ACMSD: variants seen among roughly 807,000 people sequenced by gnomAD.
The protein encoded by ACMSD is aminocarboxymuconate semialdehyde decarboxylase.
ACMSD carries 37 observed loss-of-function variants against 45.9 expected under a neutral mutation model. The observed-to-expected ratio is 0.81, with a 90% CI of 0.62 to 1.06. ACMSD has a LOEUF of 1.06. ACMSD is among the 50% of genes least tolerant of loss of function. ACMSD has a pLI of 0.00. For synonymous variants in ACMSD, 138 were observed against 148.8 expected, an observed-to-expected ratio of 0.93 and a Z score of 0.53; for missense variants, 434 against 420.9, an observed-to-expected ratio of 1.03 and a Z score of -0.27.
rs779781894 is a variant in ACMSD at position 134,855,025 on chromosome 2, AGTTT to A, written c.103-4231_103-4228del. Among the ~76,000 whole-genome samples the A allele has an allele frequency of 1.0e-4, 14 of 138,570 alleles. 1 individual carries two copies. The highest frequency in any genetic ancestry group is 1.5e-4 in the Non-Finnish European group (10 of 65,112). 90.9% of individuals were successfully genotyped at this position (138,570 alleles called of 152,430 possible). ...TAAATCCTCCAATTTGCCAAATCAA[AGTTT>A]GTTTCTCAACTTTTTTTTTTCACCA... On this transcript the variant is annotated intron_variant, in intron 2 of 9. Transcript: ENST00000356140.
chr2:134,840,435 C>T (rs1686753342), intron 1 of ACMSD, among the ~76,000 whole-genome samples: 1 of 152,022 alleles, frequency 6.6e-6, no homozygotes, highest in African/African-American at 2.4e-5. Context: ...GTGTATGTCC[C>T]CCCCAAAATT....
intron 5 of ACMSD, 42 bp from the exon 6 acceptor site, chr2:134,867,537 A>G (rs375120563): frequency 6.5e-7 from 1 of 1,532,308 alleles, no homozygotes; most frequent in African/African-American, 1.4e-5. Context: ...CTGCTCACTC[A>G]TCAAAGTAAC....
chr2:134,901,818 T>C lies in ACMSD; in HGVS notation c.969T>C (p.Asn323=). Residue 323 remains asparagine (N), a synonymous_variant, in exon 10 of 10, where the codon AAT becomes AAC. Transcript: ENST00000356140. ...EETKNKLKAG[N]ALAFLGLERK... ...TTCAGAATAAACTCAAAGCCGGCAATGCCCTGGCATTTTTGGGTCTTGAGA... is the reference window on the plus strand; with the variant it reads ...TTCAGAATAAACTCAAAGCCGGCAACGCCCTGGCATTTTTGGGTCTTGAGA... 2 of 1,599,524 alleles carry C rather than the reference T, an allele frequency of 1.3e-6. No homozygotes were observed. The highest frequency in any genetic ancestry group is 1.7e-6 in the Non-Finnish European group (2 of 1,170,380).
At chr2:134,859,091 G>A (rs1421769165) in intron 2 of ACMSD, among the ~76,000 whole-genome samples, 170 bp from the exon 3 acceptor site, 1 of 151,148 alleles carries the variant, frequency 6.6e-6, no homozygotes, top group African/African-American at 2.4e-5. Flanking sequence ...CCAAAGAAAA[G>A]CATGAGGAAA....
At chr2:134,892,790 G>T (rs1442828696) in intron 8 of ACMSD, among the ~76,000 whole-genome samples, 1 of 152,180 alleles carries the variant, frequency 6.6e-6, no homozygotes, top group African/African-American at 2.4e-5. Flanking sequence ...GAGAGCAAAA[G>T]CAAGAATGAG....
At chr2:134,840,194 C>CAAAAAAAAAAAAA (rs1300580743) in intron 1 of ACMSD, among the ~76,000 whole-genome samples, 4 of 68,740 alleles carry the variant, frequency 5.8e-5, no homozygotes, top group South Asian at 1.2e-3. Flanking sequence ...AAAAAAAAAA[C>CAAAAAAAAAAAAA]CACTAATTCC....
At chr2:134,899,464 A>G (rs1423028221) in intron 9 of ACMSD, among the ~76,000 whole-genome samples, 2 of 152,138 alleles carry the variant, frequency 1.3e-5, no homozygotes, top group Non-Finnish European at 2.9e-5. Context: ...GGAAGCTGTC[A>G]TAAAGGCATT....
intron 9 of ACMSD, among the ~76,000 whole-genome samples, chr2:134,899,248 G>C (rs564342101): frequency 6.6e-5 from 10 of 152,164 alleles, no homozygotes; most frequent in African/African-American, 2.4e-4. Flanking sequence ...TAAAGATATT[G>C]TTCATCAAAT....
chr2:134,850,954 G>C (rs528503806), intron 2 of ACMSD, among the ~76,000 whole-genome samples: 31 of 152,152 alleles, frequency 2.0e-4, no homozygotes, highest in Non-Finnish European at 1.3e-4. Flanking sequence ...CTCCCTCCTG[G>C]CCCCCTCTGG....
chr2:134,885,231 CATATGTAAAT>C (rs1689260047), intron 8 of ACMSD, among the ~76,000 whole-genome samples: 2 of 116,994 alleles, frequency 1.7e-5, no homozygotes, highest in Non-Finnish European at 3.3e-5. Context: ...ATATATAATA[CATATGTAAAT>C]ATATATTTAT....
intron 8 of ACMSD, among the ~76,000 whole-genome samples, chr2:134,889,212 T>C (rs1472273650): frequency 3.3e-5 from 5 of 152,072 alleles, no homozygotes; most frequent in East Asian, 3.9e-4. Context: ...AGTGTTTGGA[T>C]TGGAAATGGA....
intron 8 of ACMSD, chr2:134,872,866 G>C: frequency 2.0e-6 from 1 of 503,074 alleles, no homozygotes; most frequent in Admixed American, 3.2e-5. Context: ...ATATATGCCA[G>C]AGAAATCCCA....
At chr2:134,890,483 G>A (rs1465509245) in intron 8 of ACMSD, among the ~76,000 whole-genome samples, 3 of 151,908 alleles carry the variant, frequency 2.0e-5, no homozygotes, top group East Asian at 1.9e-4. Context: ...TTAGATCTTC[G>A]ACTAAGAAAA....
At chr2:134,844,155 C>T (rs1369003972) in intron 1 of ACMSD, among the ~76,000 whole-genome samples, 2 of 152,248 alleles carry the variant, frequency 1.3e-5, no homozygotes, top group African/African-American at 4.8e-5. Flanking sequence ...TTGAGTCATA[C>T]TTACCTATGT....
At position 134,871,020 on chromosome 2, in the gene ACMSD, T is replaced by G; in HGVS notation, c.636T>G (p.Phe212Leu). Residue 212 changes from phenylalanine (F) to leucine (L), a missense_variant, in exon 7 of 10, where the codon TTT becomes TTG. Coordinates refer to ENST00000356140, the MANE Select transcript of ACMSD (RefSeq NM_138326.3). ...GCTCCATGATCATGGGTGGAGTATTTGAGAAGTTTCCCAAACTGAAAGTGT... is the reference window on the plus strand; with the variant it reads ...GCTCCATGATCATGGGTGGAGTATTGGAGAAGTTTCCCAAACTGAAAGTGT... ...AICSMIMGGV[F>L]EKFPKLKVCF... is the part of the protein sequence containing the mutation. The G allele has an allele frequency of 6.2e-7, 1 of 1,614,142 alleles. No homozygotes were observed. The highest frequency in any genetic ancestry group is 1.7e-5 in the Admixed American group (1 of 60,010).
chr2:134,852,958 T>A (rs1291912242), intron 2 of ACMSD, among the ~76,000 whole-genome samples: 1 of 151,472 alleles, frequency 6.6e-6, no homozygotes, highest in African/African-American at 2.4e-5. Flanking sequence ...AGGTCAGGAG[T>A]TTGAGACCAG....
chr2:134,839,124 G>A (rs555909123), intron 1 of ACMSD, among the ~76,000 whole-genome samples: 5 of 152,124 alleles, frequency 3.3e-5, no homozygotes, highest in South Asian at 2.1e-4. Flanking sequence ...GAATGTGATC[G>A]GTTTCAAGGA....
At chr2:134,894,152 CA>C (rs954648493) in intron 8 of ACMSD, among the ~76,000 whole-genome samples, 3 of 151,532 alleles carry the variant, frequency 2.0e-5, no homozygotes, top group African/African-American at 7.3e-5. Context: ...TATAGAAAAA[CA>C]ATAGGGAAAA....
chr2:134,847,395 T>TACAGATAGATAGATAG (rs376446160), intron 2 of ACMSD, among the ~76,000 whole-genome samples: 68 of 143,238 alleles, frequency 4.7e-4, no homozygotes, highest in African/African-American at 1.7e-3. Flanking sequence ...TTTTTGGGGA[T>TACAGATAGATAGATAG]ACAGATAGAT....
Sources: gnomAD v4.1 joint callset for allele counts (sites outside exome capture counted in the v4.1 genomes callset) on GRCh38, gnomAD v4.1.1 for gene constraint, MANE v1.5 for transcripts, NCBI Gene and HGNC (gene_info 2026-07-23, HGNC 2026-07-21) for gene names.